The following PRRX1 variants were observed in gnomAD, a reference collection of about 807,000 sequenced individuals.
PRRX1 encodes paired mesoderm homeobox protein 1.
Under a neutral mutation model 24.0 loss-of-function variants are expected in PRRX1, and 8 were observed. The ratio of observed to expected loss-of-function variants is 0.33; its 90% CI spans 0.20 to 0.60. The LOEUF (loss-of-function observed/expected upper bound fraction) is 0.60, where lower values mean the gene tolerates loss of function less well. Ranked by LOEUF, PRRX1 falls within the 20% of genes least tolerant of loss-of-function variation. PRRX1 has a pLI of 0.82. For synonymous variants in PRRX1, 160 were observed against 131.7 expected (o/e 1.22, Z -1.47); for missense variants, 281 against 322.4 (o/e 0.87, Z 0.98).
intron 1 of PRRX1, among the ~76,000 whole-genome samples, chr1:170,715,126 C>T (rs867214416): frequency 1.3e-5 from 2 of 152,132 alleles, no homozygotes; most frequent in Non-Finnish European, 2.9e-5. Flanking sequence ...GGTGACTATC[C>T]TATCTGATAA....
chr1:170,700,233 G>C (rs1301254116), intron 1 of PRRX1, among the ~76,000 whole-genome samples: 1 of 152,102 alleles, frequency 6.6e-6, no homozygotes, highest in Non-Finnish European at 1.5e-5. Flanking sequence ...AATAATTCCT[G>C]AGCCCAGGAA....
chr1:170,664,541 G>A (rs1434937588), intron 1 of PRRX1, 82 bp downstream of exon 1: 2 of 1,505,486 alleles, frequency 1.3e-6, no homozygotes, highest in African/African-American at 1.4e-5. Flanking sequence ...GAGCCCGTCC[G>A]CGGCCAGAAA....
At chr1:170,696,612 AC>A (rs2101901642) in intron 1 of PRRX1, among the ~76,000 whole-genome samples, 1 of 152,336 alleles carries the variant, frequency 6.6e-6, no homozygotes, top group Admixed American at 6.5e-5. Flanking sequence ...CATGCAAATT[AC>A]TTTAAAAGGT....
At chr1:170,696,243 A>G (rs1654164419) in intron 1 of PRRX1, among the ~76,000 whole-genome samples, 1 of 151,554 alleles carries the variant, frequency 6.6e-6, no homozygotes, top group Non-Finnish European at 1.5e-5. Flanking sequence ...TGTTATCCCC[A>G]CACTGCAAGA....
intron 1 of PRRX1, among the ~76,000 whole-genome samples, chr1:170,697,628 TA>T (rs1654213124): frequency 6.7e-6 from 1 of 149,302 alleles, no homozygotes; most frequent in Admixed American, 6.7e-5. Flanking sequence ...CTGGAATCCT[TA>T]AAAAAAGATA....
chr1:170,719,599 G>T lies in PRRX1; in HGVS notation c.242-127G>T. 4 of 1,066,628 alleles carry T rather than the reference G, an allele frequency of 3.8e-6. No homozygotes were observed. In the South Asian group the frequency reaches 4.1e-5, roughly 11 times the overall value. 66.1% of individuals were successfully genotyped at this position (1,066,628 alleles called of 1,614,324 possible). A position where few individuals can be genotyped will look rare whatever the true frequency, so the allele number is the denominator to read the frequency against. ...ATTTGCACATGCAAAGTGGCATTTG[G>T]CTATAGGACTTTGATAAAGATGTGA... On this transcript the variant is annotated intron_variant, in intron 1 of 3. Transcript: ENST00000239461.
chr1:170,720,445 G>C (rs917777980), intron 2 of PRRX1, among the ~76,000 whole-genome samples: 1 of 152,154 alleles, frequency 6.6e-6, no homozygotes, highest in African/African-American at 2.4e-5. Context: ...AATGCCTTCA[G>C]GTAGGGCAGA....
chr1:170,694,403 A>G (rs1654098576), intron 1 of PRRX1, among the ~76,000 whole-genome samples: 1 of 152,122 alleles, frequency 6.6e-6, no homozygotes, highest in Non-Finnish European at 1.5e-5. Context: ...TTCGTTGTAG[A>G]GTGGAAATGA....
intron 1 of PRRX1, among the ~76,000 whole-genome samples, 165 bp from the exon 2 acceptor site, chr1:170,719,561 C>T (rs1655015344): frequency 6.6e-6 from 1 of 152,158 alleles, no homozygotes; most frequent in Non-Finnish European, 1.5e-5. Context: ...AACTTGAGAG[C>T]GCTAATGGCC....
intron 1 of PRRX1, among the ~76,000 whole-genome samples, chr1:170,700,109 T>C (rs1227650497): frequency 2.0e-5 from 3 of 152,212 alleles, no homozygotes; most frequent in Non-Finnish European, 1.5e-5. Flanking sequence ...AAATGTCCTA[T>C]GGCCTCCTAT....
intron 1 of PRRX1, among the ~76,000 whole-genome samples, chr1:170,692,737 T>TCA (rs1469643516): frequency 1.4e-3 from 205 of 142,414 alleles, no homozygotes; most frequent in Non-Finnish European, 2.5e-3. Context: ...TCTCTCTCTC[T>TCA]CTCTCACACA....
At chr1:170,682,626 A>G (rs990962426) in intron 1 of PRRX1, among the ~76,000 whole-genome samples, 2 of 151,856 alleles carry the variant, frequency 1.3e-5, no homozygotes, top group Non-Finnish European at 2.9e-5. Flanking sequence ...TTTTTCATAC[A>G]TATTTGGCAA....
At position 170,688,555 on chromosome 1, in the gene PRRX1, G is replaced by C. The variant is rs571570419; in HGVS notation, c.241+24096G>C. Among the ~76,000 whole-genome samples, 4 of 152,020 alleles carry C rather than the reference G, an allele frequency of 2.6e-5. No individual in the cohort carries two copies. In the East Asian group the frequency reaches 7.7e-4, roughly 29 times the overall value. On this transcript the variant is annotated intron_variant, in intron 1 of 3. Transcript: ENST00000239461. ...TACCAATAAAATTTTATGTTTAAAA[G>C]GTATGAATATTGACTTATTTAAATA...
intron 1 of PRRX1, among the ~76,000 whole-genome samples, chr1:170,692,128 A>G (rs186213749): frequency 6.6e-6 from 1 of 152,130 alleles, no homozygotes. Context: ...AGCCAATTCC[A>G]TAATAAAGTT....
chr1:170,671,893 G>C (rs978358768), intron 1 of PRRX1, among the ~76,000 whole-genome samples: 3 of 152,244 alleles, frequency 2.0e-5, no homozygotes, highest in African/African-American at 7.2e-5. Flanking sequence ...ATATGTACTT[G>C]AGGTCTTCAA....
chr1:170,678,761 A>G (rs1172674059), intron 1 of PRRX1, among the ~76,000 whole-genome samples: 1 of 152,098 alleles, frequency 6.6e-6, no homozygotes, highest in African/African-American at 2.4e-5. Context: ...TGTGCAGTTC[A>G]TGTCTAATAA....
At chr1:170,709,520 A>G (rs1318588641) in intron 1 of PRRX1, among the ~76,000 whole-genome samples, 1 of 152,164 alleles carries the variant, frequency 6.6e-6, no homozygotes, top group Non-Finnish European at 1.5e-5. Context: ...TCTCTTTGGT[A>G]TATCTGTCCT....
intron 1 of PRRX1, among the ~76,000 whole-genome samples, chr1:170,716,411 C>T (rs185961395): frequency 9.9e-4 from 150 of 152,138 alleles, no homozygotes; most frequent in African/African-American, 3.3e-3. Flanking sequence ...GGTGAAACCT[C>T]GTTTCTACTA....
chr1:170,690,813 A>C (rs1040469478), intron 1 of PRRX1, among the ~76,000 whole-genome samples: 4 of 152,132 alleles, frequency 2.6e-5, no homozygotes, highest in South Asian at 2.1e-4. Context: ...AATTTAGAAG[A>C]TATTCAGAGA....
Sources: allele counts gnomAD v4.1 joint callset (sites outside exome capture counted in the v4.1 genomes callset), GRCh38; gene constraint gnomAD v4.1.1; transcripts MANE v1.5; gene names NCBI Gene and HGNC (gene_info 2026-07-23, HGNC 2026-07-21).